WDR35: variants seen among roughly 807,000 people sequenced by gnomAD.
WDR35 encodes WD repeat domain 35.
In WDR35, 118 loss-of-function variants were observed where a neutral mutation model predicts 158.3. The observed-to-expected ratio is 0.75, with a 90% CI of 0.64 to 0.87. The LOEUF (loss-of-function observed/expected upper bound fraction) is 0.87, where lower values mean the gene tolerates loss of function less well. Among genes scored for constraint, WDR35 ranks in the 40% least tolerant of loss-of-function variants. The probability of loss-of-function intolerance (pLI) is 0.00; values close to 1 mark genes in which losing one functional copy is unlikely to be tolerated. For synonymous variants in WDR35, 448 were observed against 476.1 expected (o/e 0.94, Z 0.77); for missense variants, 1,263 against 1,405.8 (o/e 0.90, Z 1.62).
At chr2:19,987,419 T>A (rs556155945) in intron 2 of WDR35, among the ~76,000 whole-genome samples, 1 of 152,324 alleles carries the variant, frequency 6.6e-6, no homozygotes, top group South Asian at 2.1e-4. Flanking sequence ...TGTTCACTAA[T>A]TTCAAAGAAT....
chr2:19,924,436 C>T lies in WDR35; in HGVS notation c.3121+5960G>A, dbSNP rs574134996. Among the ~76,000 whole-genome samples the T allele has an allele frequency of 7.2e-5, 11 of 152,152 alleles. No individual in the cohort carries two copies. In the South Asian group the frequency reaches 8.3e-4, roughly 12 times the overall value. Reference sequence around the variant, plus strand: ...AAAATTCGCCGGGTGTGGTGGCGGGCGCCTGTAGTGCCAGCTAATCAGGAG... The same window carrying T: ...AAAATTCGCCGGGTGTGGTGGCGGGTGCCTGTAGTGCCAGCTAATCAGGAG... On this transcript the variant is annotated intron_variant, in intron 25 of 26. Coordinates refer to ENST00000281405, the MANE Select transcript of WDR35 (RefSeq NM_020779.4).
At chr2:19,921,114 A>G (rs1053192836) in intron 25 of WDR35, among the ~76,000 whole-genome samples, 13 of 152,244 alleles carry the variant, frequency 8.5e-5, no homozygotes, top group African/African-American at 3.1e-4. Flanking sequence ...TTCCATGCTC[A>G]TGGATAGGAA....
Position 19,932,342 on chromosome 2 carries a change from C to A in WDR35, c.2764G>T (p.Ala922Ser). The change falls in exon 23 of 27, where the codon GCC becomes TCC. Residue 922 changes from alanine (A) to serine (S), a missense_variant. Transcript: ENST00000281405. ...TTGGCTTTCCGATAGAGTTCTATGG[C>A]ATCAAGAGTTTTATTCTTTTCCAGT... Reference protein sequence around the residue: ...HLLEKNKTLDAIELYRKANYF... With the variant: ...HLLEKNKTLDSIELYRKANYF... The A allele has an allele frequency of 6.2e-7, 1 of 1,613,274 alleles. No individual in the cohort carries two copies. Among genetic ancestry groups the A allele is most frequent in the Non-Finnish European group, 8.5e-7 (1 of 1,179,540 alleles).
Position 19,913,728 on chromosome 2 carries a change from A to G in WDR35, c.3363-20T>C, listed in dbSNP as rs1669905855. On this transcript the variant is annotated intron_variant, in intron 26 of 26. Coordinates refer to ENST00000281405, the MANE Select transcript of WDR35 (RefSeq NM_020779.4). ...TCTCCACTGTAAAACGGGGAGAAAC[A>G]ATTCATTATACTTTAAAACTTCTCA... 6.2e-7 allele frequency: 1 copy of G among 1,614,044 alleles called. No individual in the cohort carries two copies. Among genetic ancestry groups the G allele is most frequent in the Non-Finnish European group, 8.5e-7 (1 of 1,179,920 alleles).
Position 19,969,618 on chromosome 2 carries a change from G to A in WDR35, c.883-13C>T. On this transcript the variant is annotated splice_polypyrimidine_tract_variant and intron_variant, in intron 8 of 26. Transcript: ENST00000281405. ...AAGTACCCAGATGCTGAAAAAGAAA[G>A]TTATCTTTAACCTAAAGTATAACAA... 1 of 1,612,540 alleles carries A rather than the reference G, an allele frequency of 6.2e-7. No homozygotes were observed. Among genetic ancestry groups the A allele is most frequent in the Non-Finnish European group, 8.5e-7 (1 of 1,179,420 alleles).
At chr2:19,929,381 T>C (rs1344720031) in intron 25 of WDR35, among the ~76,000 whole-genome samples, 1 of 152,242 alleles carries the variant, frequency 6.6e-6, no homozygotes, top group Non-Finnish European at 1.5e-5. Flanking sequence ...TAGAGTGTGA[T>C]GTGCATATGG....
chr2:19,960,448 G>A lies in WDR35; in HGVS notation c.1255+106C>T, dbSNP rs10169398. 97,805 of 918,822 alleles carry A rather than the reference G, an allele frequency of 0.11. 5,920 individuals carry two copies. Among genetic ancestry groups the A allele is most frequent in the South Asian group, 0.21 (13,790 of 66,652 alleles). The allele number at this position is 918,822 out of a possible 1,614,324, so 56.9% of individuals were successfully genotyped here. ...CAAAGTAGGAAGTATGGTCATCCTC[G>A]TTTTAGAAAACACCATTCTAATTAA... is the stretch of plus-strand genomic sequence containing the variant. On this transcript the variant is annotated intron_variant, in intron 11 of 26. Coordinates refer to ENST00000281405, the MANE Select transcript of WDR35 (RefSeq NM_020779.4).
intron 19 of WDR35, among the ~76,000 whole-genome samples, chr2:19,936,991 C>A (rs1209156042): frequency 1.3e-5 from 2 of 152,184 alleles, no homozygotes; most frequent in African/African-American, 2.4e-5. Flanking sequence ...ACAATCATTT[C>A]TTTTCAGCAA....
chr2:19,953,995 T>A lies in WDR35; in HGVS notation c.1256-17A>T. Reference sequence around the variant, plus strand: ...ACAATGGTACTGTTAAAAATAACATTAAGATAATTTACAGTTACACAGAAT... The same window carrying A: ...ACAATGGTACTGTTAAAAATAACATAAAGATAATTTACAGTTACACAGAAT... On this transcript the variant is annotated splice_polypyrimidine_tract_variant and intron_variant, in intron 11 of 26. Coordinates refer to ENST00000281405, the MANE Select transcript of WDR35 (RefSeq NM_020779.4). The A allele has an allele frequency of 6.2e-7, 1 of 1,613,876 alleles. No individual in the cohort carries two copies. Among genetic ancestry groups the A allele is most frequent in the Non-Finnish European group, 8.5e-7 (1 of 1,179,942 alleles).
chr2:19,979,644 T>C (rs950181899), intron 4 of WDR35, among the ~76,000 whole-genome samples: 9 of 152,088 alleles, frequency 5.9e-5, no homozygotes, highest in Non-Finnish European at 1.2e-4. Flanking sequence ...CAAATAATCA[T>C]GTAATTTGGA....
At chr2:19,923,977 C>T (rs1209353463) in intron 25 of WDR35, among the ~76,000 whole-genome samples, 1 of 152,184 alleles carries the variant, frequency 6.6e-6, no homozygotes, top group Non-Finnish European at 1.5e-5. Flanking sequence ...TCAGTTCTTA[C>T]AATTTAAAAC....
intron 13 of WDR35, 23 bp from the exon 14 acceptor site, chr2:19,948,240 T>G: frequency 6.2e-7 from 1 of 1,601,016 alleles, no homozygotes; most frequent in Non-Finnish European, 8.5e-7. Context: ...AATCAATCAT[T>G]ACTATTCAAC....
chr2:19,940,999 C>T (rs189153920), intron 17 of WDR35, among the ~76,000 whole-genome samples: 20 of 152,234 alleles, frequency 1.3e-4, no homozygotes, highest in African/African-American at 2.6e-4. Flanking sequence ...AACTGGCTCA[C>T]AATAAAATAG....
chr2:19,916,215 G>A (rs1484674615), intron 25 of WDR35, among the ~76,000 whole-genome samples: 1 of 152,200 alleles, frequency 6.6e-6, no homozygotes, highest in Non-Finnish European at 1.5e-5. Flanking sequence ...CCCAGATACT[G>A]CACTTTTAAC....
chr2:19,961,949 CTCCAGACT>C, intron 10 of WDR35, among the ~76,000 whole-genome samples: 1 of 152,258 alleles, frequency 6.6e-6, no homozygotes, highest in East Asian at 1.9e-4. Context: ...CCTGATTTGG[CTCCAGACT>C]TCCTTTTGTT....
At chr2:19,948,414 A>C (rs766891226) in intron 13 of WDR35, among the ~76,000 whole-genome samples, 197 bp from the exon 14 acceptor site, 14 of 152,216 alleles carry the variant, frequency 9.2e-5, no homozygotes, top group Non-Finnish European at 1.6e-4. Flanking sequence ...ATCTTCAGAG[A>C]TTACTGAAAA....
chr2:19,959,750 GA>G (rs956122963), intron 11 of WDR35, among the ~76,000 whole-genome samples: 23 of 149,860 alleles, frequency 1.5e-4, no homozygotes, highest in African/African-American at 3.7e-4. Context: ...TGTCCAATAT[GA>G]AAAAAAAATG....
At chr2:19,936,181 T>C (rs1475117398) in intron 20 of WDR35, 38 bp downstream of exon 20, 4 of 1,613,348 alleles carry the variant, frequency 2.5e-6, no homozygotes, top group Non-Finnish European at 3.4e-6. Context: ...TACTAAGTGT[T>C]GCATGAATGC....
At chr2:19,976,608 T>C (rs1218992535) in intron 5 of WDR35, among the ~76,000 whole-genome samples, 3 of 151,600 alleles carry the variant, frequency 2.0e-5, no homozygotes, top group Non-Finnish European at 4.4e-5. Context: ...TCTGAGAAAA[T>C]AAATTTCTGT....
Sources: allele counts gnomAD v4.1 joint callset (sites outside exome capture counted in the v4.1 genomes callset), GRCh38; gene constraint gnomAD v4.1.1; transcripts MANE v1.5; gene names NCBI Gene and HGNC (gene_info 2026-07-23, HGNC 2026-07-21).